Variants in ZFAT observed in about 807,000 individuals in gnomAD.
The protein encoded by ZFAT is zinc finger protein ZFAT.
ZFAT carries 64 observed loss-of-function variants against 117.7 expected under a neutral mutation model. The ratio of observed to expected loss-of-function variants is 0.54; its 90% CI spans 0.44 to 0.67. The LOEUF (loss-of-function observed/expected upper bound fraction) is 0.67. Ranked by LOEUF, ZFAT falls within the 30% of genes least tolerant of loss-of-function variation. The probability of loss-of-function intolerance (pLI) is 0.00; values close to 1 mark genes in which losing one functional copy is unlikely to be tolerated. For synonymous variants in ZFAT, 679 were observed against 615.0 expected (o/e 1.10, Z -1.54); for missense variants, 1,433 against 1,584.5 (o/e 0.90, Z 1.62).
chr8:134,650,260 G>A (rs746603486), intron 2 of ZFAT, among the ~76,000 whole-genome samples: 13 of 151,562 alleles, frequency 8.6e-5, no homozygotes, highest in Admixed American at 5.3e-4. Context: ...CGAGAAGCTG[G>A]GACTACAGGC....
rs553426093 is a variant in ZFAT at position 134,698,847 on chromosome 8, C to T, written c.19+13998G>A. The stretch of plus-strand genomic sequence containing the variant: ...GCCATCAGTTCCCATCACCAAAACT[C>T]TTTTCCCAATTCAAGCCCTTCTGTG... On this transcript the variant is annotated intron_variant, in intron 1 of 15. Transcript: ENST00000377838. Among the ~76,000 whole-genome samples, 22 of 152,342 alleles carry T rather than the reference C, an allele frequency of 1.4e-4. No individual in the cohort carries two copies. In the South Asian group the frequency reaches 4.6e-3, roughly 32 times the overall value.
chr8:134,623,598 G>A (rs369915494), intron 3 of ZFAT, among the ~76,000 whole-genome samples: 2 of 152,232 alleles, frequency 1.3e-5, no homozygotes, highest in South Asian at 2.1e-4. Context: ...ACTCTGCCAG[G>A]TCCTGTGAAC....
intron 12 of ZFAT, among the ~76,000 whole-genome samples, chr8:134,527,917 G>A (rs1283641629): frequency 6.6e-6 from 1 of 152,192 alleles, no homozygotes; most frequent in African/African-American, 2.4e-5. Flanking sequence ...CATAGGGAAG[G>A]ACTTGCAAAG....
the ZFAT span, among the ~76,000 whole-genome samples, chr8:134,720,355 A>G: frequency 6.6e-6 from 1 of 152,360 alleles, no homozygotes; most frequent in Non-Finnish European, 1.5e-5. Context: ...GGGAAGCTAA[A>G]ATTTCAGTTT....
chr8:134,750,715 G>A, the ZFAT span, among the ~76,000 whole-genome samples: 10 of 152,218 alleles, frequency 6.6e-5, no homozygotes, highest in African/African-American at 1.9e-4. Flanking sequence ...GCAGTGAGCC[G>A]TGATTGCACC....
chr8:134,479,778 G>T (rs887249278), intron 15 of ZFAT, among the ~76,000 whole-genome samples: 2 of 152,072 alleles, frequency 1.3e-5, no homozygotes, highest in Admixed American at 6.5e-5. Flanking sequence ...CCATTTATAA[G>T]CTACGAGGCC....
the ZFAT span, among the ~76,000 whole-genome samples, chr8:134,757,567 GA>G: frequency 1.3e-5 from 2 of 152,166 alleles, no homozygotes; most frequent in African/African-American, 2.4e-5. Flanking sequence ...AGTGAATTGG[GA>G]TGGGACACTG....
chr8:134,799,913 GGTACT>G, the ZFAT span, among the ~76,000 whole-genome samples: 1 of 152,154 alleles, frequency 6.6e-6, no homozygotes, highest in Admixed American at 6.5e-5. Flanking sequence ...TAATATGACA[GGTACT>G]GTACTAATGA....
the ZFAT span, among the ~76,000 whole-genome samples, chr8:134,734,957 A>G: frequency 6.6e-6 from 1 of 152,116 alleles, no homozygotes; most frequent in African/African-American, 2.4e-5. Context: ...GTCTGTCAAC[A>G]GCTCAGTCTC....
intron 1 of ZFAT, among the ~76,000 whole-genome samples, chr8:134,702,916 CG>C (rs1430125992): frequency 4.6e-5 from 7 of 152,122 alleles, no homozygotes; most frequent in Non-Finnish European, 1.5e-5. Flanking sequence ...CGTGATCTGC[CG>C]GCCTCGGCCT....
chr8:134,656,898 G>A (rs867094280), intron 2 of ZFAT, among the ~76,000 whole-genome samples: 6 of 152,102 alleles, frequency 3.9e-5, no homozygotes, highest in African/African-American at 1.4e-4. Flanking sequence ...CTGCTGCATC[G>A]GATAACCACA....
intron 2 of ZFAT, among the ~76,000 whole-genome samples, chr8:134,652,434 AG>A (rs1036401922): frequency 3.3e-5 from 5 of 152,244 alleles, no homozygotes; most frequent in African/African-American, 4.8e-5. Flanking sequence ...TGCAGATCCA[AG>A]GACTGAAGAG....
chr8:134,721,482 T>C, the ZFAT span, among the ~76,000 whole-genome samples: 1 of 152,204 alleles, frequency 6.6e-6, no homozygotes, highest in East Asian at 1.9e-4. Context: ...TGGAGGCAGC[T>C]GCACTCGGGT....
the ZFAT span, chr8:134,785,084 T>C: frequency 6.6e-6 from 1 of 152,212 alleles, no homozygotes; most frequent in Non-Finnish European, 1.5e-5. Context: ...TTTCTCAACA[T>C]GTTTGCCAAT....
chr8:134,517,131 T>A (rs1487820634), intron 13 of ZFAT, among the ~76,000 whole-genome samples: 1 of 152,206 alleles, frequency 6.6e-6, no homozygotes, highest in Non-Finnish European at 1.5e-5. Context: ...TTAGGTTACA[T>A]CCCAATCAAA....
rs1343345205 is a variant in ZFAT, at chr8:134,523,183, T to C, written c.3116-2182A>G. ...GTGCAAGTACCACTCCACTGAACAC[T>C]CTGTTCCTCCAGCCTCCACACCTTT... On this transcript the variant is annotated intron_variant, in intron 12 of 15. Coordinates refer to ENST00000377838, the MANE Select transcript of ZFAT (RefSeq NM_020863.4). Among the ~76,000 whole-genome samples, 6 of 152,294 alleles carry C rather than the reference T, an allele frequency of 3.9e-5. No homozygotes were observed. The South Asian group carries it at 1.0e-3, about 26-fold the overall frequency.
chr8:134,624,663 A>T (rs1829373346), intron 3 of ZFAT, among the ~76,000 whole-genome samples: 1 of 151,690 alleles, frequency 6.6e-6, no homozygotes, highest in South Asian at 2.1e-4. Context: ...GTCTCAAAAA[A>T]ATAGGAGGGG....
the ZFAT span, among the ~76,000 whole-genome samples, chr8:134,822,251 T>G: frequency 6.6e-6 from 1 of 151,776 alleles, no homozygotes; most frequent in South Asian, 2.1e-4. Flanking sequence ...AAATTTCCCA[T>G]GGTAGACTAT....
intron 11 of ZFAT, among the ~76,000 whole-genome samples, chr8:134,538,483 G>A (rs1187490272): frequency 6.6e-6 from 1 of 152,106 alleles, no homozygotes; most frequent in African/African-American, 2.4e-5. Context: ...CCAAAATGTG[G>A]CATCAAAAAA....
Sources: gnomAD v4.1 joint callset for allele counts (sites outside exome capture counted in the v4.1 genomes callset) on GRCh38, gnomAD v4.1.1 for gene constraint, MANE v1.5 for transcripts, NCBI Gene and HGNC (gene_info 2026-07-23, HGNC 2026-07-21) for gene names.